The following KIAA1755 variants were observed in gnomAD, a reference collection of about 807,000 sequenced individuals.
KIAA1755 encodes KIAA1755.
In KIAA1755, 68 loss-of-function variants were observed where a neutral mutation model predicts 91.7. The ratio of observed to expected loss-of-function variants is 0.74; its 90% CI spans 0.61 to 0.91. The LOEUF (loss-of-function observed/expected upper bound fraction) is 0.91, where lower values mean the gene tolerates loss of function less well. Among genes scored for constraint, KIAA1755 ranks in the 40% least tolerant of loss-of-function variants. The pLI, the probability that KIAA1755 is intolerant of heterozygous loss-of-function variation, is 0.00. For synonymous variants in KIAA1755, 610 were observed against 604.6 expected (o/e 1.01, Z -0.13); for missense variants, 1,535 against 1,494.4 (o/e 1.03, Z -0.45).
chr20:38,242,788 T>C (rs929536439), intron 2 of KIAA1755, among the ~76,000 whole-genome samples: 6 of 152,256 alleles, frequency 3.9e-5, no homozygotes, highest in African/African-American at 1.4e-4. Context: ...TGGGCCTGAA[T>C]GTTTATTTTT....
In KIAA1755 at chr20:38,241,637, C is replaced by G. The variant is rs563109793; in HGVS notation, c.494G>C (p.Cys165Ser). 22 of 1,614,246 alleles carry G rather than the reference C, an allele frequency of 1.4e-5. No individual in the cohort carries two copies. The highest frequency in any genetic ancestry group is 8.9e-5 in the East Asian group (4 of 44,888). Residue 165 changes from cysteine (C) to serine (S), a missense_variant, in exon 3 of 14, where the codon TGC becomes TCC. Coordinates refer to ENST00000279024, the MANE Select transcript of KIAA1755 (RefSeq NM_001029864.2). ...SDFEGNPLHN[C>S]LVASENGIAP... Reference sequence around the variant, plus strand: ...AATCCCATTTTCTGATGCTACCAAGCAGTTGTGTAGGGGATTTCCCTCAAA... The same window carrying G: ...AATCCCATTTTCTGATGCTACCAAGGAGTTGTGTAGGGGATTTCCCTCAAA...
At position 38,246,252 on chromosome 20, in the gene KIAA1755, A is replaced by AC; in HGVS notation, c.4-127dup. 9 of 723,518 alleles carry AC rather than the reference A, an allele frequency of 1.2e-5. No individual in the cohort carries two copies. The South Asian group carries it at 1.3e-4, about 10-fold the overall frequency. 44.8% of individuals were successfully genotyped at this position (723,518 alleles called of 1,614,324 possible). On this transcript the variant is annotated intron_variant, in intron 1 of 13. Transcript: ENST00000279024. ...ATTCTCTGACCTCCTCTCCTACCCC[A>AC]CCCCCCTCACTCATCACTGCCAGCC...
rs1568763652 is a variant in KIAA1755 at position 38,241,200 on chromosome 20, T to C, written c.931A>G (p.Thr311Ala). The C allele has an allele frequency of 1.2e-6, 2 of 1,614,182 alleles. No homozygotes were observed. Among genetic ancestry groups the C allele is most frequent in the Non-Finnish European group, 8.5e-7 (1 of 1,180,028 alleles). ...TTTTGAAATAAGGGAGTTTCCTTAG[T>C]TCCAGCTATCTCCTCTAGTGCCCCA... is the stretch of plus-strand genomic sequence containing the variant. ...TSGALEEIAG[T>A]KETPLFQKIL... The change falls in exon 3 of 14, where the codon ACT (threonine) becomes GCT (alanine). Residue 311 changes from threonine to alanine, a missense_variant. Physicochemically the swap from Thr to Ala is moderately conservative, Grantham distance 58 (BLOSUM62 0). Coordinates refer to ENST00000279024, the MANE Select transcript of KIAA1755 (RefSeq NM_001029864.2).
rs1359765145 is a variant in KIAA1755 at position 38,241,178 on chromosome 20, T to C, written c.953A>G (p.Gln318Arg). 1 of 1,614,192 alleles carries C rather than the reference T, an allele frequency of 6.2e-7. No individual in the cohort carries two copies. The highest frequency in any genetic ancestry group is 8.5e-7 in the Non-Finnish European group (1 of 1,180,030). The change falls in exon 3 of 14, where the codon CAA (glutamine) becomes CGA (arginine). Residue 318 changes from glutamine to arginine, a missense_variant. Transcript: ENST00000279024. Reference protein sequence around the residue: ...IAGTKETPLFQKILPLSEANE... With the variant: ...IAGTKETPLFRKILPLSEANE... ...GGCCTCTGAGAGAGGCAGTATCTTT[T>C]GAAATAAGGGAGTTTCCTTAGTTCC...
intron 8 of KIAA1755, among the ~76,000 whole-genome samples, chr20:38,224,009 G>A (rs2075709876): frequency 6.6e-6 from 1 of 152,128 alleles, no homozygotes. Context: ...AAAGGAAGAG[G>A]GCAGAGTTAG....
At chr20:38,227,824 G>A (rs1006085197) in intron 6 of KIAA1755, among the ~76,000 whole-genome samples, 1 of 152,264 alleles carries the variant, frequency 6.6e-6, no homozygotes, top group African/African-American at 2.4e-5. Flanking sequence ...CCACCAAGGG[G>A]CGCGGGGTGC....
chr20:38,251,832 C>T (rs527587550), intron 1 of KIAA1755, among the ~76,000 whole-genome samples: 57 of 152,284 alleles, frequency 3.7e-4, no homozygotes, highest in Admixed American at 3.7e-3. Context: ...TCCTGAAGTG[C>T]TGAGATTACA....
intron 10 of KIAA1755, among the ~76,000 whole-genome samples, chr20:38,220,030 G>A (rs946018204): frequency 6.6e-6 from 1 of 152,166 alleles, no homozygotes; most frequent in Non-Finnish European, 1.5e-5. Flanking sequence ...GACAGATCTG[G>A]GTTCAAAGCC....
intron 11 of KIAA1755, 23 bp from the exon 12 acceptor site, chr20:38,218,389 G>C: frequency 6.2e-7 from 1 of 1,613,198 alleles, no homozygotes; most frequent in Non-Finnish European, 8.5e-7. Context: ...AGGCAGATTT[G>C]GACATGAGGG....
At chr20:38,260,358 T>A in intron 1 of KIAA1755, 140 bp downstream of exon 1, 1 of 1,585,238 alleles carries the variant, frequency 6.3e-7, no homozygotes, top group African/African-American at 1.3e-5. Flanking sequence ...TGGAAGCAGG[T>A]AAGCACAACC....
chr20:38,252,110 T>C (rs555525074), intron 1 of KIAA1755, among the ~76,000 whole-genome samples: 3 of 152,278 alleles, frequency 2.0e-5, no homozygotes, highest in East Asian at 3.9e-4. Context: ...AGTTTCCCCT[T>C]CTGCACATAG....
At chr20:38,254,872 G>C (rs2076312667) in intron 1 of KIAA1755, among the ~76,000 whole-genome samples, 1 of 151,820 alleles carries the variant, frequency 6.6e-6, no homozygotes, top group Admixed American at 6.6e-5. Context: ...CAGTTGGTGA[G>C]AAGGTTTAAA....
chr20:38,214,699 G>A (rs373177871), intron 13 of KIAA1755, among the ~76,000 whole-genome samples: 29 of 152,290 alleles, frequency 1.9e-4, no homozygotes, highest in African/African-American at 6.5e-4. Flanking sequence ...CACCAGGCCC[G>A]CAGGCCCCCT....
chr20:38,213,788 G>T, intron 13 of KIAA1755, 45 bp from the exon 14 acceptor site: 5 of 1,355,334 alleles, frequency 3.7e-6, no homozygotes, highest in Non-Finnish European at 4.9e-6. Context: ...GGCTGGAAGT[G>T]GGACCATGGA....
In KIAA1755 at chr20:38,223,610, G is replaced by A. The variant is rs1353136228; in HGVS notation, c.2196C>T (p.Leu732=). 2 of 1,605,924 alleles carry A rather than the reference G, an allele frequency of 1.2e-6. No homozygotes were observed. Among genetic ancestry groups the A allele is most frequent in the Admixed American group, 1.7e-5 (1 of 58,904 alleles). The part of the protein sequence containing the change: ...FQKLDPFLAD[L]HQASSLLQAS... ...CTTGTAGCAGGGAAGAGGCCTGGTG[G>A]AGGTCAGCAAGGAAAGGGTCCAGCT... The change falls in exon 9 of 14, where the codon CTC becomes CTT. Residue 732 remains leucine (L), a synonymous_variant. Transcript: ENST00000279024.
intron 13 of KIAA1755, among the ~76,000 whole-genome samples, chr20:38,215,676 G>A (rs976540585): frequency 3.9e-5 from 6 of 152,204 alleles, no homozygotes; most frequent in African/African-American, 1.2e-4. Context: ...GGAACAGCAC[G>A]TGCAAAGACC....
At chr20:38,222,746 C>T (rs942229684) in intron 9 of KIAA1755, 149 bp from the exon 10 acceptor site, 24 of 825,838 alleles carry the variant, frequency 2.9e-5, no homozygotes, top group Non-Finnish European at 4.7e-5. Flanking sequence ...AAAACATCCC[C>T]TCTAGCCATG....
Position 38,212,998 on chromosome 20 carries a change from G to A in KIAA1755, c.*44C>T, listed in dbSNP as rs1272453530. On this transcript the variant is annotated 3_prime_UTR_variant, in exon 14 of 14. Transcript: ENST00000279024. ...CAGCTACCCCTCCAGCTGGGCCCTGGCCCAGTGCTCCTGGAGGCTGGTGCG... is the reference window on the plus strand; with the variant it reads ...CAGCTACCCCTCCAGCTGGGCCCTGACCCAGTGCTCCTGGAGGCTGGTGCG... The A allele has an allele frequency of 6.8e-7, 1 of 1,465,408 alleles. No homozygotes were observed. The highest frequency in any genetic ancestry group is 9.2e-7 in the Non-Finnish European group (1 of 1,090,436). The allele number at this position is 1,465,408 out of a possible 1,614,324, so 90.8% of individuals were successfully genotyped here.
chr20:38,217,498 C>T, intron 12 of KIAA1755, 24 bp from the exon 13 acceptor site: 2 of 1,550,720 alleles, frequency 1.3e-6, no homozygotes, highest in South Asian at 1.2e-5. Context: ...GGAGGGGGCG[C>T]CCACTCAGCA....
Sources: allele counts gnomAD v4.1 joint callset (sites outside exome capture counted in the v4.1 genomes callset), GRCh38; gene constraint gnomAD v4.1.1; transcripts MANE v1.5; gene names NCBI Gene and HGNC (gene_info 2026-07-23, HGNC 2026-07-21).